ARHGAP15: variants seen among roughly 807,000 people sequenced by gnomAD.
The protein encoded by ARHGAP15 is rho GTPase-activating protein 15.
In ARHGAP15, 51 loss-of-function variants were observed where a neutral mutation model predicts 63.7. The ratio of observed to expected loss-of-function variants is 0.80; its 90% CI spans 0.64 to 1.01. The LOEUF is 1.01. ARHGAP15 is among the 50% of genes least tolerant of loss of function. ARHGAP15 has a pLI of 0.00. For synonymous variants in ARHGAP15, 191 were observed against 193.8 expected (o/e 0.99, Z 0.12); for missense variants, 560 against 564.6 (o/e 0.99, Z 0.08).
Position 143,720,063 on chromosome 2 carries a change from T to A in ARHGAP15, c.1244+16539T>A, listed in dbSNP as rs544902591. On this transcript the variant is annotated intron_variant, in intron 13 of 13. Transcript: ENST00000295095. ...GAGAAATTTCTGATCCCAAAGCACTTTTTTTTCCAAGAAATGGTAATATAT... is the reference window on the plus strand; with the variant it reads ...GAGAAATTTCTGATCCCAAAGCACTATTTTTTCCAAGAAATGGTAATATAT... Among the ~76,000 whole-genome samples, 14 of 152,240 alleles carry A rather than the reference T, an allele frequency of 9.2e-5. No individual in the cohort carries two copies. The South Asian group carries it at 2.1e-3, about 23-fold the overall frequency.
intron 12 of ARHGAP15, among the ~76,000 whole-genome samples, chr2:143,698,668 A>G (rs1189062801): frequency 6.6e-6 from 1 of 152,288 alleles, no homozygotes; most frequent in East Asian, 1.9e-4. Context: ...CACAGCTTAG[A>G]GATTGAAGAG....
At position 143,275,941 on chromosome 2, in the gene ARHGAP15, T is replaced by G. The variant is rs191127116; in HGVS notation, c.474+25341T>G. 2.6e-5 allele frequency among the ~76,000 whole-genome samples: 4 copies of G among 152,352 alleles called. No individual in the cohort carries two copies. The East Asian group carries it at 7.7e-4, about 29-fold the overall frequency. On this transcript the variant is annotated intron_variant, in intron 6 of 13. Transcript: ENST00000295095. Reference sequence around the variant, plus strand: ...CTGAACAGGTAGGGCTTGTAAGTCTTAAGCTATTAGGTACCTTTGGGCAGC... The same window carrying G: ...CTGAACAGGTAGGGCTTGTAAGTCTGAAGCTATTAGGTACCTTTGGGCAGC...
chr2:143,288,520 C>T (rs1186473782), intron 6 of ARHGAP15, among the ~76,000 whole-genome samples: 1 of 151,980 alleles, frequency 6.6e-6, no homozygotes, highest in Non-Finnish European at 1.5e-5. Context: ...AAGGGCTATT[C>T]AGTCTTCCTT....
chr2:143,424,928 A>G (rs2381454), intron 6 of ARHGAP15, among the ~76,000 whole-genome samples: 135,219 of 152,066 alleles, frequency 0.89, 60,496 homozygotes, highest in Middle Eastern at 0.97. Context: ...GACTCTCAGT[A>G]TTGTGTGTGT....
intron 12 of ARHGAP15, among the ~76,000 whole-genome samples, chr2:143,637,756 C>T (rs552616314): frequency 6.7e-6 from 1 of 148,642 alleles, no homozygotes; most frequent in Non-Finnish European, 1.5e-5. Context: ...ACTCATCCGA[C>T]AAAGGGCTAA....
intron 11 of ARHGAP15, among the ~76,000 whole-genome samples, chr2:143,622,791 A>C (rs940087615): frequency 1.3e-5 from 2 of 151,006 alleles, no homozygotes; most frequent in African/African-American, 4.9e-5. Flanking sequence ...TAAAAAAAAA[A>C]AAAAAAAAAA....
chr2:143,284,349 A>C (rs1681993034), intron 6 of ARHGAP15, among the ~76,000 whole-genome samples: 1 of 152,200 alleles, frequency 6.6e-6, no homozygotes, highest in African/African-American at 2.4e-5. Context: ...GAAAATGTAA[A>C]TGTCAATTTT....
chr2:143,551,100 A>G (rs1043235092), intron 10 of ARHGAP15, among the ~76,000 whole-genome samples: 4 of 151,316 alleles, frequency 2.6e-5, no homozygotes. Context: ...TTCAAAGTTA[A>G]TAAATTAATA....
chr2:143,200,782 A>G (rs1393436637), intron 2 of ARHGAP15, among the ~76,000 whole-genome samples: 1 of 152,146 alleles, frequency 6.6e-6, no homozygotes, highest in African/African-American at 2.4e-5. Context: ...TACATAAGAA[A>G]GTGTGATTTT....
intron 6 of ARHGAP15, among the ~76,000 whole-genome samples, chr2:143,268,614 G>A (rs1221302581): frequency 6.6e-6 from 1 of 152,096 alleles, no homozygotes; most frequent in Non-Finnish European, 1.5e-5. Context: ...GTTAGAGTTT[G>A]AAAATGTAAT....
chr2:143,415,599 A>G (rs1189528349), intron 6 of ARHGAP15, among the ~76,000 whole-genome samples: 3 of 152,232 alleles, frequency 2.0e-5, no homozygotes, highest in Admixed American at 1.3e-4. Flanking sequence ...TTAAAAAGTA[A>G]AAAGATTAAT....
At chr2:143,379,918 A>G (rs900265479) in intron 6 of ARHGAP15, among the ~76,000 whole-genome samples, 1 of 152,068 alleles carries the variant, frequency 6.6e-6, no homozygotes, top group Non-Finnish European at 1.5e-5. Flanking sequence ...CTCATTTTCA[A>G]TCCTCAAAAT....
At chr2:143,517,947 AG>A (rs911957516) in intron 9 of ARHGAP15, among the ~76,000 whole-genome samples, 2 of 152,220 alleles carry the variant, frequency 1.3e-5, no homozygotes, top group African/African-American at 4.8e-5. Flanking sequence ...TAATTAGTGG[AG>A]GTCAGATTAT....
intron 8 of ARHGAP15, among the ~76,000 whole-genome samples, chr2:143,438,164 C>T (rs575389160): frequency 3.9e-5 from 6 of 152,136 alleles, no homozygotes; most frequent in Non-Finnish European, 8.8e-5. Context: ...TTCCCTCTGA[C>T]AAAATATCAG....
At chr2:143,358,532 TAAA>T (rs534366994) in intron 6 of ARHGAP15, among the ~76,000 whole-genome samples, 3 of 145,090 alleles carry the variant, frequency 2.1e-5, no homozygotes, top group African/African-American at 5.0e-5. Context: ...ATATGTAAAG[TAAA>T]AAAAAAAGAG....
chr2:143,576,577 C>G (rs1184039035), intron 11 of ARHGAP15, among the ~76,000 whole-genome samples: 1 of 152,002 alleles, frequency 6.6e-6, no homozygotes, highest in Non-Finnish European at 1.5e-5. Flanking sequence ...TACACTCTAT[C>G]GACGTAATCA....
chr2:143,709,378 G>T (rs1684475118), intron 13 of ARHGAP15, among the ~76,000 whole-genome samples: 1 of 152,184 alleles, frequency 6.6e-6, no homozygotes, highest in Non-Finnish European at 1.5e-5. Context: ...AATGTTATTT[G>T]TTGATTTTTA....
chr2:143,223,126 A>ACC (rs1233623847), intron 4 of ARHGAP15, among the ~76,000 whole-genome samples: 1 of 151,818 alleles, frequency 6.6e-6, no homozygotes, highest in African/African-American at 2.4e-5. Context: ...ACAGACACCC[A>ACC]CCACCATGCC....
chr2:143,311,156 C>T (rs963285275), intron 6 of ARHGAP15, among the ~76,000 whole-genome samples: 1 of 151,936 alleles, frequency 6.6e-6, no homozygotes, highest in African/African-American at 2.4e-5. Context: ...ATGTTGGAAA[C>T]AATAAAAGTT....
Sources: gnomAD v4.1 joint callset for allele counts (sites outside exome capture counted in the v4.1 genomes callset) on GRCh38, gnomAD v4.1.1 for gene constraint, MANE v1.5 for transcripts, NCBI Gene and HGNC (gene_info 2026-07-23, HGNC 2026-07-21) for gene names.